The following CCBE1 variants were observed in gnomAD, a reference collection of about 807,000 sequenced individuals.
CCBE1 encodes collagen and calcium-binding EGF domain-containing protein 1.
CCBE1 carries 37 observed loss-of-function variants against 50.0 expected under a neutral mutation model. That is an observed-to-expected ratio of 0.74 (90% CI 0.57 to 0.97). CCBE1 has a LOEUF of 0.97. Ranked by LOEUF, CCBE1 falls within the 50% of genes least tolerant of loss-of-function variation. CCBE1 has a pLI of 0.00. For missense variants in CCBE1, 538 were observed against 523.8 expected, an observed-to-expected ratio of 1.03 and a Z score of -0.26; for synonymous variants, 234 against 203.7, an observed-to-expected ratio of 1.15 and a Z score of -1.27.
intron 2 of CCBE1, among the ~76,000 whole-genome samples, chr18:59,692,760 G>A (rs895710697): frequency 2.6e-5 from 4 of 152,122 alleles, no homozygotes; most frequent in African/African-American, 7.2e-5. Context: ...GGAACATTGA[G>A]CTGCCCTAAG....
chr18:59,500,705 C>T (rs940692573), intron 2 of CCBE1, among the ~76,000 whole-genome samples: 3 of 152,172 alleles, frequency 2.0e-5, no homozygotes, highest in African/African-American at 7.2e-5. Context: ...ATTTACTGCT[C>T]ACTCCCTGTG....
chr18:59,689,681 G>A (rs1266942317), intron 2 of CCBE1, among the ~76,000 whole-genome samples: 8 of 152,160 alleles, frequency 5.3e-5, no homozygotes, highest in African/African-American at 1.2e-4. Context: ...AGTCACTGTC[G>A]GAAAACATGA....
chr18:59,544,319 A>G (rs1268266377), intron 2 of CCBE1, among the ~76,000 whole-genome samples: 1 of 150,836 alleles, frequency 6.6e-6, no homozygotes, highest in African/African-American at 2.4e-5. Flanking sequence ...CACTAACTGT[A>G]TTTGTCTGCT....
chr18:59,496,709 C>T (rs541112009), intron 2 of CCBE1, among the ~76,000 whole-genome samples: 1 of 152,324 alleles, frequency 6.6e-6, no homozygotes, highest in East Asian at 1.9e-4. Context: ...GGCAAGCTGT[C>T]CAAGATCCAG....
chr18:59,514,618 GT>G lies in CCBE1; in HGVS notation c.213-34381del, dbSNP rs5825344. Among the ~76,000 whole-genome samples the G allele has an allele frequency of 1.0e-3, 121 of 120,302 alleles. 1 individual carries two copies. Among genetic ancestry groups the G allele is most frequent in the African/African-American group, 2.0e-3 (57 of 27,976 alleles). 78.9% of individuals were successfully genotyped at this position (120,302 alleles called of 152,430 possible). On this transcript the variant is annotated intron_variant, in intron 2 of 10. Transcript: ENST00000439986. ...TTGGGGAATTTAGGCATGCTCTCCT[GT>G]TTTTTTTTTTTTCTTTCCTTTCCTT...
At chr18:59,694,843 A>T (rs886797229) in intron 2 of CCBE1, among the ~76,000 whole-genome samples, 6 of 152,228 alleles carry the variant, frequency 3.9e-5, no homozygotes, top group Admixed American at 1.3e-4. Context: ...ATACACAAGG[A>T]TCAACACCAC....
chr18:59,455,182 C>A, intron 5 of CCBE1: 2 of 622,966 alleles, frequency 3.2e-6, no homozygotes, highest in South Asian at 1.7e-5. Flanking sequence ...CTCAGCTGTT[C>A]CTATTTAGAC....
intron 2 of CCBE1, among the ~76,000 whole-genome samples, chr18:59,648,272 A>G (rs564020745): frequency 6.6e-6 from 1 of 152,348 alleles, no homozygotes; most frequent in East Asian, 1.9e-4. Flanking sequence ...AGAAAGAAGA[A>G]CTGAGCCAGC....
chr18:59,634,503 T>G lies in CCBE1; in HGVS notation c.212+62126A>C, dbSNP rs12605396. Among the ~76,000 whole-genome samples, 375 of 152,338 alleles carry G rather than the reference T, an allele frequency of 2.5e-3. 9 individuals carry two copies. The East Asian group carries it at 0.037, about 15-fold the overall frequency. On this transcript the variant is annotated intron_variant, in intron 2 of 10. Transcript: ENST00000439986. The stretch of plus-strand genomic sequence containing the variant: ...GCTCTCAAGCCAGGGCCTTTTGGAC[T>G]GCCACAGATTATGACAGTTAAATAT...
At chr18:59,532,488 G>A (rs906504211) in intron 2 of CCBE1, among the ~76,000 whole-genome samples, 22 of 152,192 alleles carry the variant, frequency 1.4e-4, no homozygotes, top group Admixed American at 7.8e-4. Flanking sequence ...CTACAAGGCC[G>A]CTGGCTGTGA....
At chr18:59,457,160 CA>C (rs1238624727) in intron 5 of CCBE1, among the ~76,000 whole-genome samples, 4 of 152,190 alleles carry the variant, frequency 2.6e-5, no homozygotes, top group Non-Finnish European at 4.4e-5. Context: ...ACCAACATAA[CA>C]GGGCCATCTT....
chr18:59,613,745 A>T (rs954728411), intron 2 of CCBE1, among the ~76,000 whole-genome samples: 2 of 152,108 alleles, frequency 1.3e-5, no homozygotes, highest in East Asian at 1.9e-4. Flanking sequence ...TTAAAAAAAA[A>T]AATTAGAAGA....
intron 2 of CCBE1, among the ~76,000 whole-genome samples, chr18:59,684,269 C>T (rs533021972): frequency 3.6e-4 from 55 of 152,190 alleles, no homozygotes; most frequent in Non-Finnish European, 6.5e-4. Flanking sequence ...GCCAACATGG[C>T]GAAACCCTGT....
intron 2 of CCBE1, among the ~76,000 whole-genome samples, chr18:59,586,643 T>C (rs182090982): frequency 6.6e-6 from 1 of 152,320 alleles, no homozygotes; most frequent in East Asian, 1.9e-4. Context: ...TGGCCAGCAC[T>C]GCAAGGGAGC....
At chr18:59,504,066 G>A (rs560485526) in intron 2 of CCBE1, among the ~76,000 whole-genome samples, 28 of 152,166 alleles carry the variant, frequency 1.8e-4, no homozygotes, top group African/African-American at 6.5e-4. Context: ...TGTGTTAATC[G>A]CCAACTCACT....
chr18:59,685,981 G>C (rs1439929380), intron 2 of CCBE1: 1 of 151,598 alleles, frequency 6.6e-6, no homozygotes, highest in South Asian at 2.1e-4. Flanking sequence ...CCCAAATTTG[G>C]CACCATCCTG....
Position 59,596,155 on chromosome 18 carries a change from A to G in CCBE1, c.212+100474T>C, listed in dbSNP as rs547792313. On this transcript the variant is annotated intron_variant, in intron 2 of 10. Transcript: ENST00000439986. ...CTGTTTGCCCTATAACTTTCCTCTC[A>G]TCCCTATAAAGGAAGCAGAGTCTCT... Among the ~76,000 whole-genome samples, 4 of 152,318 alleles carry G rather than the reference A, an allele frequency of 2.6e-5. No individual in the cohort carries two copies. The South Asian group carries it at 8.3e-4, about 32-fold the overall frequency.
At chr18:59,614,962 T>C (rs2053618668) in intron 2 of CCBE1, among the ~76,000 whole-genome samples, 1 of 152,228 alleles carries the variant, frequency 6.6e-6, no homozygotes, top group Non-Finnish European at 1.5e-5. Flanking sequence ...CACATCTAGA[T>C]GTTCAAGCCA....
intron 2 of CCBE1, among the ~76,000 whole-genome samples, chr18:59,505,069 G>T (rs1399567197): frequency 1.3e-5 from 2 of 152,188 alleles, no homozygotes; most frequent in South Asian, 2.1e-4. Context: ...GAGGGAGTTA[G>T]ACTACTTGGA....
Sources: gnomAD v4.1 joint callset for allele counts (sites outside exome capture counted in the v4.1 genomes callset) on GRCh38, gnomAD v4.1.1 for gene constraint, MANE v1.5 for transcripts, NCBI Gene and HGNC (gene_info 2026-07-23, HGNC 2026-07-21) for gene names.